PKP2: variants seen among roughly 807,000 people sequenced by gnomAD.
PKP2 encodes the protein plakophilin 2, also known as plakophilin-2.
PKP2 carries 73 observed loss-of-function variants against 83.4 expected under a neutral mutation model. The observed-to-expected ratio is 0.88, with a 90% CI of 0.72 to 1.06. The LOEUF is 1.06. Ranked by LOEUF, PKP2 falls within the 50% of genes least tolerant of loss-of-function variation. The pLI, the probability that PKP2 is intolerant of heterozygous loss-of-function variation, is 0.00. For missense variants in PKP2, 966 were observed against 1,065.4 expected (o/e 0.91, Z 1.30); for synonymous variants, 409 against 430.4 (o/e 0.95, Z 0.62).
intron 4 of PKP2, among the ~76,000 whole-genome samples, chr12:32,859,383 C>T (rs115859108): frequency 2.7e-3 from 405 of 152,198 alleles, no homozygotes; most frequent in African/African-American, 9.4e-3. Flanking sequence ...ATAGTTTATG[C>T]ATGCAAGATG....
Position 32,809,919 on chromosome 12 carries a change from C to T in PKP2, c.2014-7363G>A, listed in dbSNP as rs117519995. Reference sequence around the variant, plus strand: ...GGTGATTGTTTAGTCAGTCCCAATGCGAGAACCTGGATATTTCAGTTGAAG... The same window carrying T: ...GGTGATTGTTTAGTCAGTCCCAATGTGAGAACCTGGATATTTCAGTTGAAG... On this transcript the variant is annotated intron_variant, in intron 9 of 12. Coordinates refer to ENST00000340811, the MANE Select transcript of PKP2 (RefSeq NM_001005242.3). Among the ~76,000 whole-genome samples the T allele has an allele frequency of 1.4e-3, 217 of 152,290 alleles. 2 individuals are homozygous for T. In the East Asian group the frequency reaches 0.039, roughly 27 times the overall value.
chr12:32,895,193 A>G (rs1287347587), intron 1 of PKP2, among the ~76,000 whole-genome samples: 2 of 144,746 alleles, frequency 1.4e-5, no homozygotes, highest in Non-Finnish European at 3.0e-5. Flanking sequence ...TTTTAAATAC[A>G]TATATATATA....
intron 4 of PKP2, among the ~76,000 whole-genome samples, chr12:32,853,658 G>A (rs548474061): frequency 1.4e-4 from 21 of 152,142 alleles, no homozygotes; most frequent in Middle Eastern, 3.4e-3. Context: ...TTACAGGCGC[G>A]CCCTACCATG....
intron 9 of PKP2, among the ~76,000 whole-genome samples, chr12:32,814,292 C>T (rs1956301974): frequency 6.6e-6 from 1 of 152,284 alleles, no homozygotes; most frequent in South Asian, 2.1e-4. Flanking sequence ...TATTCATATA[C>T]CTCATCAAAA....
intron 5 of PKP2, among the ~76,000 whole-genome samples, chr12:32,847,257 A>G (rs1045091473): frequency 2.0e-5 from 3 of 152,210 alleles, no homozygotes; most frequent in African/African-American, 7.2e-5. Context: ...TAGTAGAGCC[A>G]AAGGGAGTAA....
chr12:32,839,598 C>G (rs1956571249), intron 6 of PKP2, among the ~76,000 whole-genome samples: 1 of 152,044 alleles, frequency 6.6e-6, no homozygotes, highest in Non-Finnish European at 1.5e-5. Flanking sequence ...TTCACTTCCT[C>G]AAGTGACCTG....
intron 6 of PKP2, among the ~76,000 whole-genome samples, chr12:32,839,894 TC>T (rs751392224): frequency 3.8e-4 from 58 of 152,264 alleles, no homozygotes; most frequent in Non-Finnish European, 7.2e-4. Context: ...AAGAATGTGG[TC>T]CTTTATCTTT....
chr12:32,848,139 C>G (rs1956664462), intron 5 of PKP2, among the ~76,000 whole-genome samples: 2 of 152,300 alleles, frequency 1.3e-5, no homozygotes, highest in South Asian at 4.1e-4. Flanking sequence ...TAGCATGGTA[C>G]TGGTAGGGCG....
chr12:32,829,442 G>C (rs956546725), intron 6 of PKP2, among the ~76,000 whole-genome samples: 1 of 148,706 alleles, frequency 6.7e-6, no homozygotes, highest in Non-Finnish European at 1.5e-5. Flanking sequence ...GTAGAGACAG[G>C]GTCTCATGGC....
Position 32,796,143 on chromosome 12 carries a change from T to C in PKP2, c.2323A>G (p.Ile775Val). ...GCACTAATGGCCATAATTTTCTGGA[T>C]GCCCCCGGTGTTTAGAAGGTCGCGT... Reference protein sequence around the residue: ...NARDLLNTGGIQKIMAISAGD... With the variant: ...NARDLLNTGGVQKIMAISAGD... The change falls in exon 11 of 13, where the codon ATC becomes GTC. Residue 775 changes from isoleucine to valine, a missense_variant. Transcript: ENST00000340811. 6.2e-7 allele frequency: 1 copy of C among 1,614,184 alleles called. No individual in the cohort carries two copies. Among genetic ancestry groups the C allele is most frequent in the Non-Finnish European group, 8.5e-7 (1 of 1,180,032 alleles).
At chr12:32,830,337 TC>T (rs1319017207) in intron 6 of PKP2, among the ~76,000 whole-genome samples, 3 of 152,168 alleles carry the variant, frequency 2.0e-5, no homozygotes, top group African/African-American at 7.2e-5. Context: ...AAGGGGAGCC[TC>T]ATTTGAACTG....
intron 1 of PKP2, among the ~76,000 whole-genome samples, chr12:32,881,685 G>A (rs917541638): frequency 2.0e-5 from 3 of 152,052 alleles, no homozygotes; most frequent in African/African-American, 7.2e-5. Context: ...ACGGAGTTTC[G>A]CTCTTGTTGC....
chr12:32,886,441 G>T (rs2045171), intron 1 of PKP2, among the ~76,000 whole-genome samples: 142,642 of 152,290 alleles, frequency 0.94, 67,108 homozygotes, highest in Non-Finnish European at 0.99. Context: ...AAAGAAAGCA[G>T]AAAATATACT....
At chr12:32,806,173 CT>C (rs1389145533) in intron 9 of PKP2, among the ~76,000 whole-genome samples, 1 of 152,074 alleles carries the variant, frequency 6.6e-6, no homozygotes, top group Non-Finnish European at 1.5e-5. Flanking sequence ...CTGAAGTTTT[CT>C]TTTTTTGTTG....
intron 9 of PKP2, among the ~76,000 whole-genome samples, chr12:32,813,316 A>G (rs976382532): frequency 1.2e-4 from 19 of 152,228 alleles, no homozygotes; most frequent in Admixed American, 1.1e-3. Context: ...GAGAAAATGT[A>G]TAAACATTGG....
chr12:32,889,536 T>C (rs900094432), intron 1 of PKP2, among the ~76,000 whole-genome samples: 2 of 152,216 alleles, frequency 1.3e-5, no homozygotes, highest in African/African-American at 2.4e-5. Flanking sequence ...TAATTGTTGA[T>C]TAGTCAGATT....
rs768974835 is a variant in PKP2, at chr12:32,878,493, C to T, written c.387G>A (p.Gln129=). ...YEGRWGRGTA[Q]YSSQKSVEER... is the part of the protein sequence containing the mutation. ...CTTCCACGGACTTCTGGGAGCTGTA[C>T]TGTGCTGTTCCTCTTCCCCAGCGAC... The change falls in exon 3 of 13, where the codon CAG becomes CAA. Residue 129 remains glutamine (Q), a synonymous_variant. Coordinates refer to ENST00000340811, the MANE Select transcript of PKP2 (RefSeq NM_001005242.3). 54 of 1,612,734 alleles carry T rather than the reference C, an allele frequency of 3.3e-5. No homozygotes were observed. Among genetic ancestry groups the T allele is most frequent in the Middle Eastern group, 1.6e-4 (1 of 6,078 alleles).
intron 4 of PKP2, among the ~76,000 whole-genome samples, chr12:32,861,028 A>AAAACAAACAAACAAACAAACAAAC (rs58398546): frequency 4.6e-4 from 70 of 151,476 alleles, no homozygotes; most frequent in South Asian, 1.0e-3. Flanking sequence ...ACTCTGTCTC[A>AAAACAAACAAACAAACAAACAAAC]AAACAAACAA....
intron 9 of PKP2, among the ~76,000 whole-genome samples, chr12:32,818,753 C>T (rs765696021): frequency 2.6e-5 from 4 of 152,092 alleles, no homozygotes; most frequent in East Asian, 1.9e-4. Context: ...GTAAGGTACA[C>T]GGTCATTAAT....
Sources: allele counts gnomAD v4.1 joint callset (sites outside exome capture counted in the v4.1 genomes callset), GRCh38; gene constraint gnomAD v4.1.1; transcripts MANE v1.5; gene names NCBI Gene and HGNC (gene_info 2026-07-23, HGNC 2026-07-21).